Variants in DEFB119 observed in about 807,000 individuals in gnomAD.
The protein encoded by DEFB119 is defensin beta 119, also known as beta-defensin 119.
Under a neutral mutation model 2.5 loss-of-function variants are expected in DEFB119, and 3 were observed. The ratio of observed to expected loss-of-function variants is 1.19; its 90% CI spans 0.54 to 3.07. The LOEUF (loss-of-function observed/expected upper bound fraction) is 3.07, where lower values mean the gene tolerates loss of function less well. DEFB119 is among the 30% of genes most tolerant of loss of function. The probability of loss-of-function intolerance (pLI) is 0.03; values close to 1 mark genes in which losing one functional copy is unlikely to be tolerated. For synonymous variants in DEFB119, 29 were observed against 33.7 expected, an observed-to-expected ratio of 0.86 and a Z score of 0.48; for missense variants, 113 against 101.1, an observed-to-expected ratio of 1.12 and a Z score of -0.50.
intron 1 of DEFB119, among the ~76,000 whole-genome samples, chr20:31,378,900 A>T (rs1188551231): frequency 6.6e-6 from 1 of 151,956 alleles, no homozygotes; most frequent in Non-Finnish European, 1.5e-5. Flanking sequence ...ATAATAAAAT[A>T]GGTAATTTGG....
intron 1 of DEFB119, among the ~76,000 whole-genome samples, chr20:31,387,414 T>C (rs1436217591): frequency 6.6e-6 from 1 of 152,220 alleles, no homozygotes; most frequent in Non-Finnish European, 1.5e-5. Context: ...TTTGTCTGCA[T>C]ACTTAAATGT....
At chr20:31,390,642 A>C (rs1986901855), upstream of DEFB119, 2 of 625,270 alleles carry the variant, frequency 3.2e-6, no homozygotes, top group Middle Eastern at 8.8e-4. Context: ...GCCAAAGGAC[A>C]GTGTGTAGCA....
At chr20:31,378,541 A>G in intron 1 of DEFB119, 1 of 1,307,268 alleles carries the variant, frequency 7.6e-7, no homozygotes, top group Non-Finnish European at 1.0e-6. Flanking sequence ...AAAAAAGACA[A>G]TCAACAGAAC....
At chr20:31,390,345 A>G (rs1184895043) in intron 1 of DEFB119, 78 bp downstream of exon 1, 44 of 1,342,292 alleles carry the variant, frequency 3.3e-5, no homozygotes, top group Non-Finnish European at 4.6e-5. Flanking sequence ...GCTTCAGATG[A>G]TGCCCACAGT....
At chr20:31,388,521 T>C (rs184253431) in intron 1 of DEFB119, among the ~76,000 whole-genome samples, 9 of 152,346 alleles carry the variant, frequency 5.9e-5, no homozygotes, top group African/African-American at 2.2e-4. Context: ...CAAATTCATA[T>C]ATAAATAAGC....
intron 1 of DEFB119, among the ~76,000 whole-genome samples, chr20:31,382,661 C>T (rs1428711837): frequency 6.6e-6 from 1 of 152,214 alleles, no homozygotes; most frequent in Non-Finnish European, 1.5e-5. Context: ...ACCCAGATTC[C>T]TGGAACCTGG....
At chr20:31,380,852 T>TA (rs1986480212) in intron 1 of DEFB119, among the ~76,000 whole-genome samples, 1 of 152,184 alleles carries the variant, frequency 6.6e-6, no homozygotes, top group South Asian at 2.1e-4. Context: ...TAAAATCTGG[T>TA]AAAATAATTC....
chr20:31,389,423 T>C (rs1227889422), intron 1 of DEFB119, among the ~76,000 whole-genome samples: 2 of 152,152 alleles, frequency 1.3e-5, no homozygotes, highest in African/African-American at 4.8e-5. Context: ...TGGTTCCAAC[T>C]GAGAGCTCCG....
intron 1 of DEFB119, chr20:31,378,538 ACAAT>A: frequency 2.3e-6 from 3 of 1,323,644 alleles, no homozygotes; most frequent in East Asian, 2.5e-5. Flanking sequence ...GAAAAAAAAG[ACAAT>A]CAACAGAACT....
chr20:31,385,521 C>A (rs1307795796), intron 1 of DEFB119, among the ~76,000 whole-genome samples: 1 of 152,038 alleles, frequency 6.6e-6, no homozygotes, highest in Middle Eastern at 3.2e-3. Flanking sequence ...TGGAATGACA[C>A]ATAGCAAGGG....
At chr20:31,388,022 C>T (rs1423215669) in intron 1 of DEFB119, 1 of 982,264 alleles carries the variant, frequency 1.0e-6, no homozygotes, top group Non-Finnish European at 1.2e-6. Flanking sequence ...CTCTTGGTCC[C>T]TGGCCTCACT....
chr20:31,377,397 C>T lies in DEFB119; in HGVS notation c.104G>A (p.Cys35Tyr). ...ILRCMGNSGICRASCKKNEQP... is the reference protein window; with the variant it reads ...ILRCMGNSGIYRASCKKNEQP... ...TTCGTTCTTTTTGCAAGAGGCCCTA[C>T]AAATTCCACTGTTACCCATGCATCG... Residue 35 changes from cysteine to tyrosine, a missense_variant, in exon 2 of 2, where the codon TGT becomes TAT. By Grantham distance (194) the Cys-to-Tyr change is radical. Coordinates refer to ENST00000376321, the MANE Select transcript of DEFB119 (RefSeq NM_153289.4). 6.2e-7 allele frequency: 1 copy of T among 1,613,830 alleles called. No individual in the cohort carries two copies. Among genetic ancestry groups the T allele is most frequent in the Middle Eastern group, 1.6e-4 (1 of 6,062 alleles).
chr20:31,386,810 C>A (rs375939669), intron 1 of DEFB119, among the ~76,000 whole-genome samples: 1 of 108,894 alleles, frequency 9.2e-6, no homozygotes, highest in East Asian at 2.4e-4. Context: ...TTTTCTTTTT[C>A]TTTTTTTTTT....
chr20:31,387,230 T>G (rs1986740957), intron 1 of DEFB119, among the ~76,000 whole-genome samples: 1 of 152,232 alleles, frequency 6.6e-6, no homozygotes, highest in South Asian at 2.1e-4. Context: ...TTCTATACGT[T>G]TATTGAACTA....
rs776721266 is a variant in DEFB119, at chr20:31,377,438, G to T, written c.63C>A (p.Gly21=). 2 of 1,608,452 alleles carry T rather than the reference G, an allele frequency of 1.2e-6. No individual in the cohort carries two copies. The highest frequency in any genetic ancestry group is 2.2e-5 in the South Asian group (2 of 90,118). Residue 21 remains glycine, a splice_region_variant and synonymous_variant, in exon 2 of 2, where the codon GGC becomes GGA. Coordinates refer to ENST00000376321, the MANE Select transcript of DEFB119 (RefSeq NM_153289.4). ...LLAIEEPVIS[G]KRHILRCMGN... ...CCATGCATCGAAGGATGTGGCGTTT[G>T]CCTGCCAAAGGAAAAAAAATACAAA...
intron 1 of DEFB119, 50 bp downstream of exon 1, chr20:31,390,373 C>T (rs373856716): frequency 4.1e-5 from 64 of 1,548,358 alleles, no homozygotes; most frequent in South Asian, 8.9e-5. Flanking sequence ...AAGGGAAAGA[C>T]GGGAAGCCCA....
intron 1 of DEFB119, 99 bp downstream of exon 1, chr20:31,390,324 G>A (rs1986885353): frequency 8.8e-7 from 1 of 1,130,468 alleles, no homozygotes. Flanking sequence ...AGCTGCAGGA[G>A]AGAAGGAAAG....
At chr20:31,389,188 T>C (rs1398520437) in intron 1 of DEFB119, 2 of 1,614,166 alleles carry the variant, frequency 1.2e-6, no homozygotes, top group South Asian at 2.2e-5. Context: ...GTCTTCACCA[T>C]CTTTGCACAA....
intron 1 of DEFB119, among the ~76,000 whole-genome samples, chr20:31,380,371 T>A (rs1033869339): frequency 6.6e-6 from 1 of 152,174 alleles, no homozygotes; most frequent in Non-Finnish European, 1.5e-5. Flanking sequence ...ACTCAAGCGA[T>A]CTTCCCACCT....
Sources: gnomAD v4.1 joint callset for allele counts (sites outside exome capture counted in the v4.1 genomes callset) on GRCh38, gnomAD v4.1.1 for gene constraint, MANE v1.5 for transcripts, NCBI Gene and HGNC (gene_info 2026-07-23, HGNC 2026-07-21) for gene names.